SLC5A8: variants seen among roughly 807,000 people sequenced by gnomAD.
SLC5A8 encodes sodium-coupled monocarboxylate transporter 1.
A neutral mutation model predicts 71.9 loss-of-function variants in SLC5A8; 55 were observed. The observed-to-expected ratio is 0.77, with a 90% CI of 0.62 to 0.96. SLC5A8 has a LOEUF of 0.96. SLC5A8 is among the 40% of genes least tolerant of loss of function. SLC5A8 has a pLI of 0.00. For synonymous variants in SLC5A8, 307 were observed against 276.1 expected, an observed-to-expected ratio of 1.11 and a Z score of -1.11; for missense variants, 701 against 745.3, an observed-to-expected ratio of 0.94 and a Z score of 0.69.
chr12:101,209,692 T>A lies in SLC5A8; in HGVS notation c.157A>T (p.Thr53Ser), dbSNP rs547486524. ...KDFLMGGRRM[T>S]AVPVALSLTA... ...AGGGACAGCGCCACGGGCACTGCGG[T>A]CATTCTGCGGCCGCCCATCAGGAAG... is the stretch of plus-strand genomic sequence containing the variant. The change falls in exon 1 of 15, where the codon ACC (threonine) becomes TCC (serine). Residue 53 changes from threonine to serine, a missense_variant. Transcript: ENST00000536262. The A allele has an allele frequency of 1.2e-6, 2 of 1,613,430 alleles. No individual in the cohort carries two copies. Among genetic ancestry groups the A allele is most frequent in the South Asian group, 2.2e-5 (2 of 91,068 alleles).
intron 11 of SLC5A8, among the ~76,000 whole-genome samples, chr12:101,167,005 C>A (rs1276223680): frequency 2.0e-5 from 3 of 151,982 alleles, no homozygotes; most frequent in Non-Finnish European, 4.4e-5. Flanking sequence ...AAAAAAGATA[C>A]TGTTTATGGC....
chr12:101,166,743 C>T (rs1319227972), intron 11 of SLC5A8, 44 bp from the exon 12 acceptor site: 1 of 1,502,032 alleles, frequency 6.7e-7, no homozygotes, highest in Non-Finnish European at 8.9e-7. Context: ...ATACAATTTG[C>T]TTTGATGTCA....
At chr12:101,204,711 A>T in intron 1 of SLC5A8, 146 bp from the exon 2 acceptor site, 1 of 618,004 alleles carries the variant, frequency 1.6e-6, no homozygotes. Flanking sequence ...ATTTTTATTT[A>T]TACACAGCAA....
At position 101,204,529 on chromosome 12, in the gene SLC5A8, A is replaced by G. The variant is rs754809263; in HGVS notation, c.388T>C (p.Cys130Arg). The change falls in exon 2 of 15, where the codon TGT (cysteine) becomes CGT (arginine). Residue 130 changes from cysteine (C) to arginine (R), a missense_variant. Transcript: ENST00000536262. The stretch of plus-strand genomic sequence containing the variant: ...TGAACAATGAAGAGGACTGTTCCAC[A>G]GAGACGAACACATTTGTTAAATCGA... ...ELRFNKCVRL[C>R]GTVLFIVQTI... 5 of 1,602,400 alleles carry G rather than the reference A, an allele frequency of 3.1e-6. No homozygotes were observed. Among genetic ancestry groups the G allele is most frequent in the Non-Finnish European group, 8.5e-7 (1 of 1,176,844 alleles).
At chr12:101,158,550 GTCTCTCTCTCTCTCTCTCTCTCTCTCTC>G (rs372186123) in intron 13 of SLC5A8, among the ~76,000 whole-genome samples, 3 of 48,510 alleles carry the variant, frequency 6.2e-5, no homozygotes, top group Non-Finnish European at 1.3e-4. Flanking sequence ...ATAAATATGA[GTCTCTCTCTCTCTCTCTCTCTCTCTCTC>G]TCTCTCTCTC....
chr12:101,157,481 C>T, intron 14 of SLC5A8, 80 bp from the exon 15 acceptor site: 5 of 1,466,592 alleles, frequency 3.4e-6, no homozygotes, highest in Non-Finnish European at 3.6e-6. Flanking sequence ...ATTGTTTCTA[C>T]TATTTTTATT....
At chr12:101,205,409 T>C (rs1869636643) in intron 1 of SLC5A8, among the ~76,000 whole-genome samples, 1 of 152,230 alleles carries the variant, frequency 6.6e-6, no homozygotes, top group South Asian at 2.1e-4. Flanking sequence ...TAACATAGTC[T>C]GCTTGTCTAC....
intron 5 of SLC5A8, among the ~76,000 whole-genome samples, chr12:101,191,741 G>A (rs767902665): frequency 8.5e-5 from 13 of 152,258 alleles, no homozygotes; most frequent in Admixed American, 5.2e-4. Context: ...CTTAACTTGA[G>A]CAATACTTTG....
chr12:101,159,615 G>T (rs2051706263), intron 13 of SLC5A8, among the ~76,000 whole-genome samples: 1 of 152,196 alleles, frequency 6.6e-6, no homozygotes, highest in South Asian at 2.1e-4. Context: ...TAAGTTATTT[G>T]TGAAGTTAAT....
At chr12:101,176,603 A>T (rs1179908438) in intron 10 of SLC5A8, among the ~76,000 whole-genome samples, 1 of 152,104 alleles carries the variant, frequency 6.6e-6, no homozygotes, top group Non-Finnish European at 1.5e-5. Flanking sequence ...TGATCACAAT[A>T]GAATCAAACT....
intron 11 of SLC5A8, 126 bp from the exon 12 acceptor site, chr12:101,166,825 G>A (rs139998111): frequency 3.9e-6 from 3 of 774,628 alleles, no homozygotes; most frequent in African/African-American, 1.8e-5. Context: ...AACATTCAAC[G>A]CTCTCTCCTC....
At chr12:101,207,260 A>C (rs1164070286) in intron 1 of SLC5A8, among the ~76,000 whole-genome samples, 1 of 152,208 alleles carries the variant, frequency 6.6e-6, no homozygotes, top group Non-Finnish European at 1.5e-5. Flanking sequence ...TAACAGACTC[A>C]TCAGAGCCTT....
chr12:101,174,389 G>A (rs376578861), intron 10 of SLC5A8, among the ~76,000 whole-genome samples: 35 of 152,148 alleles, frequency 2.3e-4, no homozygotes, highest in African/African-American at 6.0e-4. Context: ...TGGTGTCATG[G>A]GCCAGATACA....
chr12:101,159,286 C>T (rs894704143), intron 13 of SLC5A8, among the ~76,000 whole-genome samples: 1 of 152,130 alleles, frequency 6.6e-6, no homozygotes, highest in Non-Finnish European at 1.5e-5. Flanking sequence ...TAAATGAATT[C>T]GTTCAATGTT....
chr12:101,209,968 T>C lies in SLC5A8; in HGVS notation c.-120A>G. 1.1e-6 allele frequency: 1 copy of C among 916,070 alleles called. No homozygotes were observed. Among genetic ancestry groups the C allele is most frequent in the East Asian group, 3.0e-5 (1 of 33,136 alleles). The allele number at this position is 916,070 out of a possible 1,614,324, so 56.7% of individuals were successfully genotyped here. ...CGCAGGCGTGGCGTCCCGCGGGGAC[T>C]GGAGGCGTCCTCCAGGTGTCGGCCT... On this transcript the variant is annotated 5_prime_UTR_variant, in exon 1 of 15. Coordinates refer to ENST00000536262, the MANE Select transcript of SLC5A8 (RefSeq NM_145913.5).
intron 1 of SLC5A8, among the ~76,000 whole-genome samples, chr12:101,205,055 A>G (rs530872277): frequency 9.2e-5 from 14 of 152,276 alleles, no homozygotes; most frequent in African/African-American, 2.9e-4. Context: ...ACTGCAGACT[A>G]TTGTGATGGA....
At chr12:101,173,965 G>A (rs1054193185) in intron 10 of SLC5A8, among the ~76,000 whole-genome samples, 1 of 152,168 alleles carries the variant, frequency 6.6e-6, no homozygotes, top group African/African-American at 2.4e-5. Flanking sequence ...CTGGGGACCA[G>A]AGTGGTCTTA....
At position 101,209,567 on chromosome 12, in the gene SLC5A8, A is replaced by G; in HGVS notation, c.282T>C (p.Phe94=). ...AGACCTCCGCGCTGATGACCACCAC[A>G]AAGAAGTAGGTGAAGGCAAAGATGC... ...IFSIFAFTYF[F]VVVISAEVFL... Residue 94 remains phenylalanine (F), a synonymous_variant, in exon 1 of 15, where the codon TTT becomes TTC. Coordinates refer to ENST00000536262, the MANE Select transcript of SLC5A8 (RefSeq NM_145913.5). The G allele has an allele frequency of 6.2e-7, 1 of 1,613,092 alleles. No individual in the cohort carries two copies. The highest frequency in any genetic ancestry group is 8.5e-7 in the Non-Finnish European group (1 of 1,179,628).
intron 4 of SLC5A8, among the ~76,000 whole-genome samples, chr12:101,194,578 A>G (rs1869077510): frequency 6.6e-6 from 1 of 152,200 alleles, no homozygotes; most frequent in East Asian, 1.9e-4. Flanking sequence ...CGATCCTCCC[A>G]CCTCAGCCTC....
Sources: gnomAD v4.1 joint callset for allele counts (sites outside exome capture counted in the v4.1 genomes callset) on GRCh38, gnomAD v4.1.1 for gene constraint, MANE v1.5 for transcripts, NCBI Gene and HGNC (gene_info 2026-07-23, HGNC 2026-07-21) for gene names.